NXNL2: variants seen among roughly 807,000 people sequenced by gnomAD.
NXNL2 encodes nucleoredoxin like 2.
A neutral mutation model predicts 11.1 loss-of-function variants in NXNL2; 7 were observed. The observed-to-expected ratio is 0.63, with a 90% CI of 0.36 to 1.18. The LOEUF is 1.18. Among genes scored for constraint, NXNL2 ranks in the 50% most tolerant of loss-of-function variants. NXNL2 has a pLI of 0.02. For synonymous variants in NXNL2, 109 were observed against 101.8 expected, an observed-to-expected ratio of 1.07 and a Z score of -0.42; for missense variants, 233 against 217.7, an observed-to-expected ratio of 1.07 and a Z score of -0.44.
chr9:88,545,257 A>C (rs1236643050), downstream of NXNL2, among the ~76,000 whole-genome samples: 1 of 152,228 alleles, frequency 6.6e-6, no homozygotes, highest in African/African-American at 2.4e-5. Context: ...CGAAGTAAAC[A>C]ATCTTTATTA....
At chr9:88,540,529 T>G (rs1208718190) in intron 1 of NXNL2, among the ~76,000 whole-genome samples, 1 of 152,178 alleles carries the variant, frequency 6.6e-6, no homozygotes, top group African/African-American at 2.4e-5. Context: ...ACCTGCAGTT[T>G]GACATGAATT....
At chr9:88,575,110 G>T in exon 3 of NXNL2, 1 of 984,706 alleles carries the variant, frequency 1.0e-6, no homozygotes, top group Non-Finnish European at 1.2e-6. Flanking sequence ...TTACGTGAGG[G>T]AAAGATATTG....
chr9:88,537,471 C>T (rs1321866639), intron 1 of NXNL2, among the ~76,000 whole-genome samples: 3 of 152,222 alleles, frequency 2.0e-5, no homozygotes. Flanking sequence ...TCTTCTCAGC[C>T]TGGCTGGCCT....
intron 1 of NXNL2, among the ~76,000 whole-genome samples, chr9:88,541,112 T>C (rs1829751367): frequency 7.4e-6 from 1 of 135,962 alleles, no homozygotes; most frequent in African/African-American, 2.8e-5. Flanking sequence ...CACCTGGTTA[T>C]TTTTTTTTAT....
intron 1 of NXNL2, among the ~76,000 whole-genome samples, chr9:88,542,062 C>G (rs933099544): frequency 1.9e-4 from 29 of 151,436 alleles, no homozygotes; most frequent in African/African-American, 7.0e-4. Context: ...AACCCCGTCT[C>G]TACTAAAAAA....
downstream of NXNL2, among the ~76,000 whole-genome samples, chr9:88,546,302 A>C (rs1034914208): frequency 6.6e-6 from 1 of 151,588 alleles, no homozygotes; most frequent in African/African-American, 2.4e-5. Flanking sequence ...GACTAGAGGG[A>C]GAGGCAGGGT....
downstream of NXNL2, among the ~76,000 whole-genome samples, chr9:88,578,321 A>G (rs912554313): frequency 6.6e-6 from 1 of 152,200 alleles, no homozygotes; most frequent in Non-Finnish European, 1.5e-5. Context: ...TCCTTGCCTG[A>G]AGCAGTCCCT....
intron 1 of NXNL2, among the ~76,000 whole-genome samples, chr9:88,554,025 C>T (rs193010385): frequency 1.3e-5 from 2 of 152,074 alleles, no homozygotes; most frequent in African/African-American, 2.4e-5. Flanking sequence ...ATTCAACAGG[C>T]GTTTGGTTCT....
At chr9:88,550,048 C>T (rs1462022040) in intron 1 of NXNL2, among the ~76,000 whole-genome samples, 5 of 152,042 alleles carry the variant, frequency 3.3e-5, no homozygotes, top group East Asian at 1.9e-4. Context: ...AAACTCCTGA[C>T]CTCAGGTAAT....
chr9:88,580,200 C>G (rs2118558203), downstream of NXNL2, among the ~76,000 whole-genome samples: 1 of 146,212 alleles, frequency 6.8e-6, no homozygotes, highest in East Asian at 2.1e-4. Flanking sequence ...GTTGCCCAGG[C>G]TGGAGTACAG....
At chr9:88,546,882 A>G (rs1017970777), downstream of NXNL2, among the ~76,000 whole-genome samples, 3 of 152,210 alleles carry the variant, frequency 2.0e-5, no homozygotes, top group Non-Finnish European at 4.4e-5. Context: ...ACATCAGGAA[A>G]AAGATTCCAT....
chr9:88,564,457 C>T (rs1466324855), intron 1 of NXNL2, among the ~76,000 whole-genome samples: 10 of 151,948 alleles, frequency 6.6e-5, no homozygotes, highest in African/African-American at 1.9e-4. Flanking sequence ...ACTCTTGTCG[C>T]CCAGGCTGGA....
chr9:88,572,354 C>T (rs578153600), intron 2 of NXNL2, among the ~76,000 whole-genome samples: 38 of 152,244 alleles, frequency 2.5e-4, no homozygotes, highest in African/African-American at 8.9e-4. Flanking sequence ...GTGAACCTTT[C>T]TTCGGCCTCC....
At chr9:88,573,148 A>ATTTT (rs35107510) in intron 2 of NXNL2, among the ~76,000 whole-genome samples, 1 of 148,274 alleles carries the variant, frequency 6.7e-6, no homozygotes, top group Non-Finnish European at 1.5e-5. Flanking sequence ...AAAATAGTCA[A>ATTTT]TTTTTTTTTT....
intron 1 of NXNL2, among the ~76,000 whole-genome samples, chr9:88,542,505 G>T (rs544985655): frequency 6.6e-6 from 1 of 151,908 alleles, no homozygotes; most frequent in East Asian, 2.0e-4. Flanking sequence ...GGCCAGGCTG[G>T]TCTCAAACTC....
intron 1 of NXNL2, among the ~76,000 whole-genome samples, chr9:88,581,840 A>G (rs1329502506): frequency 1.3e-5 from 2 of 152,226 alleles, no homozygotes; most frequent in Non-Finnish European, 2.9e-5. Context: ...TTTGCTGCAC[A>G]TAAGTACTTG....
intron 1 of NXNL2, among the ~76,000 whole-genome samples, chr9:88,538,627 C>G (rs1475562985): frequency 6.6e-6 from 1 of 152,240 alleles, no homozygotes; most frequent in Non-Finnish European, 1.5e-5. Context: ...CAGCCAGGTG[C>G]TGCACCACGC....
chr9:88,559,043 T>TA (rs1361336229), intron 1 of NXNL2, among the ~76,000 whole-genome samples: 1 of 152,122 alleles, frequency 6.6e-6, no homozygotes, highest in Non-Finnish European at 1.5e-5. Context: ...ATGCAACTGA[T>TA]ACCCTCTGTG....
At chr9:88,570,331 T>C (rs1452293691) in intron 1 of NXNL2, among the ~76,000 whole-genome samples, 2 of 152,152 alleles carry the variant, frequency 1.3e-5, no homozygotes, top group African/African-American at 4.8e-5. Flanking sequence ...TTGGCCAGGC[T>C]GATCTCAAAT....
Sources: allele counts gnomAD v4.1 joint callset (sites outside exome capture counted in the v4.1 genomes callset), GRCh38; gene constraint gnomAD v4.1.1; transcripts MANE v1.5; gene names NCBI Gene and HGNC (gene_info 2026-07-23, HGNC 2026-07-21).